Variants in SLC47A1 observed in about 807,000 individuals in gnomAD.
SLC47A1 encodes solute carrier family 47 member 1.
A neutral mutation model predicts 65.8 loss-of-function variants in SLC47A1; 58 were observed. The observed-to-expected ratio is 0.88, with a 90% CI of 0.71 to 1.10. The LOEUF is 1.10. SLC47A1 is among the 50% of genes least tolerant of loss of function. SLC47A1 has a pLI of 0.00. For synonymous variants in SLC47A1, 285 were observed against 295.0 expected (o/e 0.97, Z 0.35); for missense variants, 706 against 719.2 (o/e 0.98, Z 0.21).
chr17:19,553,808 C>G (rs1470233346), intron 6 of SLC47A1, among the ~76,000 whole-genome samples: 1 of 152,186 alleles, frequency 6.6e-6, no homozygotes, highest in African/African-American at 2.4e-5. Context: ...TCCCAAAGTG[C>G]TGGGATTACA....
chr17:19,536,219 C>G (rs1020255153), intron 1 of SLC47A1, among the ~76,000 whole-genome samples: 1 of 150,702 alleles, frequency 6.6e-6, no homozygotes, highest in Admixed American at 6.7e-5. Flanking sequence ...GCATAAGCCA[C>G]CTTGCCCAGC....
intron 1 of SLC47A1, chr17:19,535,724 A>G (rs1915972751): frequency 6.6e-6 from 1 of 152,406 alleles, no homozygotes; most frequent in South Asian, 2.1e-4. Context: ...AGATCGCGCC[A>G]TTGCACTCCA....
At chr17:19,561,045 T>A (rs756583821) in intron 12 of SLC47A1, among the ~76,000 whole-genome samples, 44 of 151,412 alleles carry the variant, frequency 2.9e-4, no homozygotes, top group Non-Finnish European at 5.4e-4. Context: ...TCACCTGAGG[T>A]CAGGAGTTCG....
chr17:19,565,799 T>G lies in SLC47A1; in HGVS notation c.1107-991T>G, dbSNP rs568782037. 6.5e-4 allele frequency among the ~76,000 whole-genome samples: 99 copies of G among 152,108 alleles called. 3 individuals carry two copies. Among genetic ancestry groups the G allele is most frequent in the African/African-American group, 2.3e-3 (96 of 41,492 alleles). On this transcript the variant is annotated intron_variant, in intron 12 of 16. Coordinates refer to ENST00000270570, the MANE Select transcript of SLC47A1 (RefSeq NM_018242.3). ...GGTTTCACCATGTTAGCCAGGATGG[T>G]CTCGATCTCCTGACCTTGTGATCCG... is the stretch of plus-strand genomic sequence containing the variant.
At chr17:19,555,184 A>G in intron 6 of SLC47A1, 28 bp from the exon 7 acceptor site, 1 of 1,602,884 alleles carries the variant, frequency 6.2e-7, no homozygotes, top group Non-Finnish European at 8.5e-7. Context: ...GTGGATCTCA[A>G]GGATGGCATG....
At chr17:19,571,162 A>G (rs751514619) in intron 14 of SLC47A1, 3 of 203,186 alleles carry the variant, frequency 1.5e-5, no homozygotes, top group Non-Finnish European at 2.9e-5. Flanking sequence ...TATAACTGGC[A>G]TTTTTCTTAA....
rs144308134 is a variant in SLC47A1 at position 19,540,849 on chromosome 17, G to GACACACACACACACACACAC, written c.136-1535_136-1516dup. On this transcript the variant is annotated intron_variant, in intron 1 of 16. Coordinates refer to ENST00000270570, the MANE Select transcript of SLC47A1 (RefSeq NM_018242.3). ...CAAGAAAGATACTTCTCCTACAACA[G>GACACACACACACACACACAC]ACACACACACACACACACACACACA... Among the ~76,000 whole-genome samples, 569 of 142,964 alleles carry GACACACACACACACACACAC rather than the reference G, an allele frequency of 4.0e-3. 12 individuals carry two copies. The East Asian group carries it at 0.041, about 10-fold the overall frequency. The allele number at this position is 142,964 out of a possible 152,430, so 93.8% of individuals were successfully genotyped here. A position where few individuals can be genotyped will look rare whatever the true frequency, so the allele number is the denominator to read the frequency against.
At chr17:19,544,737 G>A (rs1916242125) in intron 2 of SLC47A1, among the ~76,000 whole-genome samples, 1 of 152,232 alleles carries the variant, frequency 6.6e-6, no homozygotes, top group Admixed American at 6.5e-5. Context: ...CTGTGCCATT[G>A]CATTCCCGGA....
chr17:19,575,677 G>C (rs1004129416), intron 16 of SLC47A1, among the ~76,000 whole-genome samples: 1 of 152,114 alleles, frequency 6.6e-6, no homozygotes, highest in Non-Finnish European at 1.5e-5. Context: ...TGGGATTACA[G>C]GTGTGAACCA....
intron 12 of SLC47A1, among the ~76,000 whole-genome samples, chr17:19,560,946 T>C (rs542797689): frequency 3.2e-4 from 48 of 151,976 alleles, no homozygotes; most frequent in African/African-American, 1.1e-3. Context: ...GAAAAAGTTT[T>C]TTAAAACTAG....
At chr17:19,540,132 G>C (rs2453584) in intron 1 of SLC47A1, among the ~76,000 whole-genome samples, 43,905 of 152,134 alleles carry the variant, frequency 0.29, 7,536 homozygotes, top group Non-Finnish European at 0.39. Context: ...TTGTATCCGA[G>C]ACATCTAATG....
At position 19,566,779 on chromosome 17, in the gene SLC47A1, T is replaced by C; in HGVS notation, c.1107-11T>C. 6.2e-7 allele frequency: 1 copy of C among 1,614,068 alleles called. No homozygotes were observed. The highest frequency in any genetic ancestry group is 1.1e-5 in the South Asian group (1 of 91,074). On this transcript the variant is annotated splice_polypyrimidine_tract_variant and intron_variant, in intron 12 of 16. Coordinates refer to ENST00000270570, the MANE Select transcript of SLC47A1 (RefSeq NM_018242.3). ...GTCTCCTAATCACCACGTGCTTTAT[T>C]TTCCTAACAGAGACATCATTAATCT...
At chr17:19,561,103 C>T (rs780441864) in intron 12 of SLC47A1, among the ~76,000 whole-genome samples, 1 of 151,464 alleles carries the variant, frequency 6.6e-6, no homozygotes, top group Admixed American at 6.6e-5. Flanking sequence ...ACTAAAAATA[C>T]AAAAATTAGC....
chr17:19,566,573 C>G (rs184968088), intron 12 of SLC47A1, among the ~76,000 whole-genome samples: 58 of 152,152 alleles, frequency 3.8e-4, no homozygotes, highest in African/African-American at 1.4e-3. Flanking sequence ...TTACAGGTAC[C>G]CACCACCAGG....
chr17:19,562,335 G>T (rs2084318018), intron 12 of SLC47A1, among the ~76,000 whole-genome samples: 1 of 152,152 alleles, frequency 6.6e-6, no homozygotes, highest in African/African-American at 2.4e-5. Context: ...GGCTGAGGCA[G>T]ATGGATTGCC....
intron 2 of SLC47A1, among the ~76,000 whole-genome samples, chr17:19,543,828 A>G (rs755037280): frequency 2.0e-5 from 3 of 152,174 alleles, no homozygotes; most frequent in Non-Finnish European, 4.4e-5. Flanking sequence ...CGGAGACACA[A>G]TTTCACTTGA....
At chr17:19,556,111 T>C (rs375254860) in intron 10 of SLC47A1, 49 bp downstream of exon 10, 108 of 1,600,244 alleles carry the variant, frequency 6.7e-5, no homozygotes, top group Non-Finnish European at 9.1e-5. Context: ...TTTCCTTGCT[T>C]GGTATCTGAA....
intron 10 of SLC47A1, among the ~76,000 whole-genome samples, chr17:19,559,379 A>G (rs1311471701): frequency 1.3e-5 from 2 of 152,266 alleles, no homozygotes; most frequent in East Asian, 3.9e-4. Flanking sequence ...ACACTATGCC[A>G]TGTGTGGAGG....
chr17:19,560,162 T>C, intron 10 of SLC47A1, 26 bp from the exon 11 acceptor site: 1 of 1,537,374 alleles, frequency 6.5e-7, no homozygotes, highest in Non-Finnish European at 8.9e-7. Context: ...TCTCACTCAT[T>C]GTTGCAGGTT....
Sources: gnomAD v4.1 joint callset for allele counts (sites outside exome capture counted in the v4.1 genomes callset) on GRCh38, gnomAD v4.1.1 for gene constraint, MANE v1.5 for transcripts, NCBI Gene and HGNC (gene_info 2026-07-23, HGNC 2026-07-21) for gene names.